The following CUBN variants were observed in gnomAD, a reference collection of about 807,000 sequenced individuals.
CUBN encodes cubilin.
In CUBN, 282 loss-of-function variants were observed where a neutral mutation model predicts 405.3. That is an observed-to-expected ratio of 0.70 (90% confidence interval 0.63 to 0.77). CUBN has a LOEUF of 0.77. Ranked by LOEUF, CUBN falls within the 30% of genes least tolerant of loss-of-function variation. The pLI, the probability that CUBN is intolerant of heterozygous loss-of-function variation, is 0.00. For synonymous variants in CUBN, 1,684 were observed against 1,617.0 expected (o/e 1.04, Z -0.99); for missense variants, 4,514 against 4,475.2 (o/e 1.01, Z -0.25).
At chr10:17,032,864 A>G (rs1834815549) in intron 27 of CUBN, among the ~76,000 whole-genome samples, 1 of 152,124 alleles carries the variant, frequency 6.6e-6, no homozygotes. Context: ...GTCCAGTTCT[A>G]TCTATCAGGC....
chr10:16,969,418 G>A (rs949448358), intron 31 of CUBN, among the ~76,000 whole-genome samples: 19 of 151,666 alleles, frequency 1.3e-4, no homozygotes, highest in African/African-American at 4.4e-4. Flanking sequence ...GCAGTGGCAC[G>A]ATCTCAGCTC....
At chr10:16,938,371 TA>T (rs1370785126) in intron 38 of CUBN, among the ~76,000 whole-genome samples, 3 of 152,192 alleles carry the variant, frequency 2.0e-5, no homozygotes, top group African/African-American at 7.2e-5. Flanking sequence ...TGATAATTTT[TA>T]AATAGCTCAG....
intron 64 of CUBN, among the ~76,000 whole-genome samples, chr10:16,833,184 G>C (rs1839060011): frequency 6.6e-6 from 1 of 152,142 alleles, no homozygotes; most frequent in Non-Finnish European, 1.5e-5. Flanking sequence ...AACCTAACGG[G>C]ATTATTCCAT....
chr10:17,069,636 C>A (rs1356125737), intron 19 of CUBN, among the ~76,000 whole-genome samples: 1 of 152,202 alleles, frequency 6.6e-6, no homozygotes, highest in Non-Finnish European at 1.5e-5. Context: ...CTCTACCTCC[C>A]AGGCTCAAGT....
chr10:17,063,231 T>A (rs1169481449), intron 22 of CUBN, among the ~76,000 whole-genome samples: 1 of 152,174 alleles, frequency 6.6e-6, no homozygotes, highest in Non-Finnish European at 1.5e-5. Flanking sequence ...TGTTGTGTCT[T>A]CCTGGATCTC....
At chr10:16,955,601 CTT>C (rs1412949037) in intron 31 of CUBN, among the ~76,000 whole-genome samples, 4 of 152,034 alleles carry the variant, frequency 2.6e-5, no homozygotes, top group Admixed American at 1.3e-4. Flanking sequence ...TTTGAATACT[CTT>C]ATGTGTAAAT....
At position 17,065,587 on chromosome 10, in the gene CUBN, C is replaced by T; in HGVS notation, c.3060G>A (p.Leu1020=). 1 of 1,613,656 alleles carries T rather than the reference C, an allele frequency of 6.2e-7. No homozygotes were observed. The highest frequency in any genetic ancestry group is 1.7e-4 in the Middle Eastern group (1 of 6,058). ...CGGAGTCAGTCACAAACACCAGCAT[C>T]AATGAGTTACCACTGCTTGTGAGAG... ...PPSLTSSGNS[L]MLVFVTDSDL... Residue 1020 remains leucine, a synonymous_variant, in exon 22 of 67, where the codon TTG becomes TTA. Coordinates refer to ENST00000377833, the MANE Select transcript of CUBN (RefSeq NM_001081.4).
chr10:16,917,127 T>C (rs1369518223), intron 45 of CUBN, among the ~76,000 whole-genome samples: 10 of 152,150 alleles, frequency 6.6e-5, no homozygotes, highest in Non-Finnish European at 1.3e-4. Flanking sequence ...GTTTGCTTTT[T>C]ATCCAGTGAC....
chr10:17,053,497 T>C (rs1258300169), intron 22 of CUBN, among the ~76,000 whole-genome samples: 1 of 152,034 alleles, frequency 6.6e-6, no homozygotes, highest in Non-Finnish European at 1.5e-5. Context: ...CATTTCATAA[T>C]GACAAAGGGG....
At chr10:16,945,453 C>T (rs535327616) in intron 36 of CUBN, among the ~76,000 whole-genome samples, 15 of 152,200 alleles carry the variant, frequency 9.9e-5, no homozygotes, top group East Asian at 3.9e-4. Context: ...CCATCCAGAA[C>T]GCTGTGCTCT....
intron 56 of CUBN, 33 bp from the exon 57 acceptor site, chr10:16,877,130 C>G (rs760060528): frequency 6.3e-7 from 1 of 1,577,634 alleles, no homozygotes; most frequent in South Asian, 1.1e-5. Context: ...GCATTATGAT[C>G]AGAACCTACA....
Position 17,117,521 on chromosome 10 carries a change from C to T in CUBN, c.594-1924G>A, listed in dbSNP as rs139996088. Among the ~76,000 whole-genome samples the T allele has an allele frequency of 2.4e-3, 363 of 152,236 alleles. 2 individuals carry two copies. The highest frequency in any genetic ancestry group is 8.1e-3 in the African/African-American group (338 of 41,532). ...TCCCGAGTAGCTGGGACTACAGGTG[C>T]GTGCCACCACACCCGGCTAATTTTT... On this transcript the variant is annotated intron_variant, in intron 6 of 66. Coordinates refer to ENST00000377833, the MANE Select transcript of CUBN (RefSeq NM_001081.4).
intron 56 of CUBN, among the ~76,000 whole-genome samples, chr10:16,877,960 C>T (rs946972597): frequency 6.6e-6 from 1 of 152,210 alleles, no homozygotes; most frequent in East Asian, 1.9e-4. Flanking sequence ...TTACATCCAT[C>T]ATGCATTTGT....
chr10:17,012,317 T>C (rs2131765189), intron 28 of CUBN, among the ~76,000 whole-genome samples: 1 of 152,332 alleles, frequency 6.6e-6, no homozygotes, highest in Admixed American at 6.5e-5. Flanking sequence ...AGGCATTGTC[T>C]GATATCAGAA....
chr10:16,913,467 C>T (rs998648674), intron 48 of CUBN, among the ~76,000 whole-genome samples: 4 of 152,142 alleles, frequency 2.6e-5, no homozygotes, highest in African/African-American at 4.8e-5. Context: ...TCAGAACTTT[C>T]GTGGTGGCTT....
At position 17,057,549 on chromosome 10, in the gene CUBN, A is replaced by G. The variant is rs1588616011; in HGVS notation, c.3139+7959T>C. On this transcript the variant is annotated intron_variant, in intron 22 of 66. Transcript: ENST00000377833. ...GGAAAACAATTTGGCACTTTCTTAT[A>G]AAGTTAAACATATCATTACCATATG... Among the ~76,000 whole-genome samples, 6 of 152,106 alleles carry G rather than the reference A, an allele frequency of 3.9e-5. 1 individual carries two copies. Among genetic ancestry groups the G allele is most frequent in the Admixed American group, 3.9e-4 (6 of 15,258 alleles).
chr10:16,974,539 C>CT (rs371211798), intron 31 of CUBN, among the ~76,000 whole-genome samples: 10 of 151,394 alleles, frequency 6.6e-5, no homozygotes, highest in Non-Finnish European at 8.8e-5. Context: ...TGCCTGGCTG[C>CT]TTTTTATATT....
At chr10:16,829,342 G>GAGAAA (rs757196904) in intron 65 of CUBN, among the ~76,000 whole-genome samples, 1 of 121,156 alleles carries the variant, frequency 8.3e-6, no homozygotes, top group African/African-American at 3.1e-5. Context: ...GAGCAGAATG[G>GAGAAA]AAAAAAAAAA....
At chr10:17,059,048 A>C (rs1399476338) in intron 22 of CUBN, among the ~76,000 whole-genome samples, 2 of 152,056 alleles carry the variant, frequency 1.3e-5, no homozygotes, top group African/African-American at 4.8e-5. Context: ...TAGCAATGGA[A>C]AAGCACATCT....
Sources: gnomAD v4.1 joint callset for allele counts (sites outside exome capture counted in the v4.1 genomes callset) on GRCh38, gnomAD v4.1.1 for gene constraint, MANE v1.5 for transcripts, NCBI Gene and HGNC (gene_info 2026-07-23, HGNC 2026-07-21) for gene names.